The following ERBB4 variants were observed in gnomAD, a reference collection of about 807,000 sequenced individuals.
ERBB4 encodes erb-b2 receptor tyrosine kinase 4.
A neutral mutation model predicts 158.0 loss-of-function variants in ERBB4; 42 were observed. That is an observed-to-expected ratio of 0.27 (90% CI 0.21 to 0.34). ERBB4 has a LOEUF of 0.34. ERBB4 is among the 10% of genes least tolerant of loss of function. The pLI, the probability that ERBB4 is intolerant of heterozygous loss-of-function variation, is 1.00. For missense variants in ERBB4, 1,333 were observed against 1,624.1 expected, an observed-to-expected ratio of 0.82 and a Z score of 3.08; for synonymous variants, 583 against 558.7, an observed-to-expected ratio of 1.04 and a Z score of -0.61.
At chr2:212,365,959 A>G (rs996121638) in intron 1 of ERBB4, among the ~76,000 whole-genome samples, 1 of 151,942 alleles carries the variant, frequency 6.6e-6, no homozygotes, top group Non-Finnish European at 1.5e-5. Flanking sequence ...AGCATATAGT[A>G]GAAAAATATC....
In ERBB4 at chr2:211,661,051, C is replaced by T. The variant is rs145419720; in HGVS notation, c.1872-3223G>A. On this transcript the variant is annotated intron_variant, in intron 15 of 27. Transcript: ENST00000342788. Reference sequence around the variant, plus strand: ...AGAAAAATAGAGGCTGGGGAAAGAGCGGGGAGGGACTGAGGGAGCAGGATG... The same window carrying T: ...AGAAAAATAGAGGCTGGGGAAAGAGTGGGGAGGGACTGAGGGAGCAGGATG... Among the ~76,000 whole-genome samples the T allele has an allele frequency of 1.9e-3, 283 of 151,586 alleles. 1 individual carries two copies. The highest frequency in any genetic ancestry group is 5.7e-3 in the African/African-American group (236 of 41,342).
intron 25 of ERBB4, among the ~76,000 whole-genome samples, chr2:211,395,326 T>A (rs2062888649): frequency 6.6e-6 from 1 of 152,064 alleles, no homozygotes; most frequent in Non-Finnish European, 1.5e-5. Context: ...ATAGAGACTC[T>A]GACACTCTGA....
intron 2 of ERBB4, among the ~76,000 whole-genome samples, chr2:211,979,762 A>G (rs1180419069): frequency 2.6e-5 from 4 of 152,116 alleles, no homozygotes; most frequent in Admixed American, 6.6e-5. Flanking sequence ...CCATGAACAC[A>G]TGCTCCATAA....
chr2:212,258,619 T>C (rs1358160994), intron 1 of ERBB4, among the ~76,000 whole-genome samples: 2 of 147,940 alleles, frequency 1.4e-5, no homozygotes, highest in Non-Finnish European at 3.0e-5. Context: ...ATAAGATATA[T>C]ATAATATATA....
chr2:211,514,136 C>CA (rs1278552964), intron 20 of ERBB4, among the ~76,000 whole-genome samples: 1 of 152,158 alleles, frequency 6.6e-6, no homozygotes, highest in Non-Finnish European at 1.5e-5. Flanking sequence ...CCCTTACCCT[C>CA]TACTCTTCCC....
At chr2:211,539,692 A>T (rs1299901212) in intron 20 of ERBB4, among the ~76,000 whole-genome samples, 1 of 151,952 alleles carries the variant, frequency 6.6e-6, no homozygotes, top group Non-Finnish European at 1.5e-5. Context: ...TACTTGTCTG[A>T]TGTTTCAATG....
chr2:212,198,210 T>G (rs772846725), intron 1 of ERBB4, among the ~76,000 whole-genome samples: 4 of 152,220 alleles, frequency 2.6e-5, no homozygotes, highest in African/African-American at 4.8e-5. Context: ...TTTTAAATTG[T>G]GATATATAAA....
intron 2 of ERBB4, among the ~76,000 whole-genome samples, chr2:212,070,472 G>A (rs547496353): frequency 6.6e-6 from 1 of 152,132 alleles, no homozygotes; most frequent in South Asian, 2.1e-4. Context: ...CAATGTGGTA[G>A]TGTCATAAGA....
At chr2:211,970,531 A>C (rs970690827) in intron 2 of ERBB4, among the ~76,000 whole-genome samples, 1 of 152,122 alleles carries the variant, frequency 6.6e-6, no homozygotes, top group African/African-American at 2.4e-5. Flanking sequence ...AAAGGTCTCT[A>C]AACTTGCTTT....
intron 1 of ERBB4, among the ~76,000 whole-genome samples, chr2:212,324,950 T>G (rs976809990): frequency 2.0e-5 from 3 of 150,610 alleles, no homozygotes; most frequent in South Asian, 4.3e-4. Flanking sequence ...TACAGTTTAA[T>G]GAGTAAACAC....
At chr2:211,835,917 G>A (rs1180061233) in intron 3 of ERBB4, among the ~76,000 whole-genome samples, 2 of 152,012 alleles carry the variant, frequency 1.3e-5, no homozygotes, top group Admixed American at 1.3e-4. Flanking sequence ...ATACCTTGGG[G>A]TTGCAGGGTT....
chr2:212,453,419 T>C (rs557032995), intron 1 of ERBB4, among the ~76,000 whole-genome samples: 60 of 150,208 alleles, frequency 4.0e-4, no homozygotes, highest in African/African-American at 1.5e-3. Flanking sequence ...ATTGTACTCA[T>C]TGATAGAACA....
Position 211,662,038 on chromosome 2 carries a change from CAAAAAAAAAAAAAAAAAAAAAAAAAAA to C in ERBB4, c.1871+3258_1871+3284del, listed in dbSNP as rs61318918. Among the ~76,000 whole-genome samples, 56 of 39,706 alleles carry C rather than the reference CAAAAAAAAAAAAAAAAAAAAAAAAAAA, an allele frequency of 1.4e-3. 1 individual carries two copies. The East Asian group carries it at 0.035, about 25-fold the overall frequency. 26.0% of individuals were successfully genotyped at this position (39,706 alleles called of 152,430 possible). A position where few individuals can be genotyped will look rare whatever the true frequency, so the allele number is the denominator to read the frequency against. ...TGGGCGACAGAGCGGGACTCCGTCT[CAAAAAAAAAAAAAAAAAAAAAAAAAAA>C]AAAAAAAAAAAAAAAAAGATTAAGG... On this transcript the variant is annotated intron_variant, in intron 15 of 27. Transcript: ENST00000342788.
chr2:211,450,464 A>G (rs1404282127), intron 20 of ERBB4, among the ~76,000 whole-genome samples: 1 of 152,200 alleles, frequency 6.6e-6, no homozygotes, highest in African/African-American at 2.4e-5. Flanking sequence ...GGGTTATTTC[A>G]TACTCTAAGT....
intron 7 of ERBB4, among the ~76,000 whole-genome samples, chr2:211,719,566 G>C (rs1442247206): frequency 6.6e-6 from 1 of 152,050 alleles, no homozygotes; most frequent in Non-Finnish European, 1.5e-5. Flanking sequence ...GTTCAAGAAA[G>C]TGTTTTTGGC....
rs982062176 is a variant in ERBB4, at chr2:212,124,968, T to C, written c.83-65A>G. 6.9e-5 allele frequency: 108 copies of C among 1,569,108 alleles called. 3 individuals are homozygous for C. The East Asian group carries it at 2.3e-3, about 34-fold the overall frequency. On this transcript the variant is annotated intron_variant, in intron 1 of 27. Coordinates refer to ENST00000342788, the MANE Select transcript of ERBB4 (RefSeq NM_005235.3). ...TTATATGATATGCGCAATGATAATA[T>C]CTTTCTCAAAACTCTCTATTCCACA... is the stretch of plus-strand genomic sequence containing the variant.
intron 1 of ERBB4, among the ~76,000 whole-genome samples, chr2:212,434,038 A>C (rs760188642): frequency 6.6e-6 from 1 of 151,990 alleles, no homozygotes; most frequent in Non-Finnish European, 1.5e-5. Flanking sequence ...TGACTCAATT[A>C]TGTGACTTTA....
intron 1 of ERBB4, among the ~76,000 whole-genome samples, chr2:212,461,821 C>T (rs916672861): frequency 3.9e-5 from 6 of 152,032 alleles, no homozygotes; most frequent in Admixed American, 3.3e-4. Flanking sequence ...GCAAGTCTTC[C>T]CCATGTTGTT....
chr2:211,580,855 GT>G (rs1331203590), intron 19 of ERBB4, among the ~76,000 whole-genome samples: 3,151 of 13,886 alleles, frequency 0.23, 529 homozygotes, highest in Non-Finnish European at 0.48. Flanking sequence ...TATATATATA[GT>G]ATGCATATAC....
Sources: gnomAD v4.1 joint callset for allele counts (sites outside exome capture counted in the v4.1 genomes callset) on GRCh38, gnomAD v4.1.1 for gene constraint, MANE v1.5 for transcripts, NCBI Gene and HGNC (gene_info 2026-07-23, HGNC 2026-07-21) for gene names.